The following LSAMP variants were observed in gnomAD, a reference collection of about 807,000 sequenced individuals.
LSAMP encodes limbic system-associated membrane protein.
A neutral mutation model predicts 38.6 loss-of-function variants in LSAMP; 7 were observed. The ratio of observed to expected loss-of-function variants is 0.18; its 90% CI spans 0.10 to 0.34. The LOEUF is 0.34. Ranked by LOEUF, LSAMP falls within the 10% of genes least tolerant of loss-of-function variation. LSAMP has a pLI of 1.00. For synonymous variants in LSAMP, 154 were observed against 166.8 expected (o/e 0.92, Z 0.59); for missense variants, 313 against 420.0 (o/e 0.75, Z 2.23).
At chr3:116,098,785 GTC>G (rs968874156) in intron 1 of LSAMP, among the ~76,000 whole-genome samples, 1 of 151,964 alleles carries the variant, frequency 6.6e-6, no homozygotes, top group African/African-American at 2.4e-5. Flanking sequence ...CTGGAGGCCT[GTC>G]TCTTTCTCTT....
intron 1 of LSAMP, among the ~76,000 whole-genome samples, chr3:116,130,987 CTTTTTT>C (rs148232332): frequency 1.8e-5 from 2 of 112,654 alleles, no homozygotes; most frequent in Non-Finnish European, 3.5e-5. Context: ...AGGTTCCACA[CTTTTTT>C]TTTTTTTTTT....
At chr3:115,852,898 A>G (rs942168380) in intron 3 of LSAMP, among the ~76,000 whole-genome samples, 3 of 152,200 alleles carry the variant, frequency 2.0e-5, no homozygotes, top group African/African-American at 7.2e-5. Flanking sequence ...TAAGTCCCAC[A>G]GAGAGCAACT....
chr3:116,099,118 G>C (rs550334837), intron 1 of LSAMP, among the ~76,000 whole-genome samples: 6 of 152,164 alleles, frequency 3.9e-5, no homozygotes, highest in Non-Finnish European at 7.3e-5. Flanking sequence ...AAGTTCCTTC[G>C]GAAATTTCAC....
intron 3 of LSAMP, among the ~76,000 whole-genome samples, chr3:115,962,555 A>G (rs1277739528): frequency 6.6e-6 from 1 of 152,200 alleles, no homozygotes; most frequent in African/African-American, 2.4e-5. Context: ...AAACGGGAAT[A>G]AAACTGTGTA....
At chr3:116,161,884 CAG>C (rs1382405154) in intron 1 of LSAMP, among the ~76,000 whole-genome samples, 1 of 151,970 alleles carries the variant, frequency 6.6e-6, no homozygotes, top group African/African-American at 2.4e-5. Context: ...CTAGAAAACG[CAG>C]AGACAAAAAC....
At chr3:115,841,320 G>C (rs137938640) in intron 6 of LSAMP, among the ~76,000 whole-genome samples, 1 of 151,994 alleles carries the variant, frequency 6.6e-6, no homozygotes, top group Non-Finnish European at 1.5e-5. Context: ...TCCTCCTTTA[G>C]ATTTTACATT....
chr3:115,998,070 G>A (rs934962277), intron 3 of LSAMP, among the ~76,000 whole-genome samples: 1 of 145,030 alleles, frequency 6.9e-6, no homozygotes, highest in African/African-American at 2.7e-5. Flanking sequence ...TCCTGGCTGT[G>A]ACAATCAAAA....
At chr3:116,444,366 A>G (rs867296510) in intron 1 of LSAMP, among the ~76,000 whole-genome samples, 17 of 101,164 alleles carry the variant, frequency 1.7e-4, no homozygotes, top group East Asian at 2.9e-4. Flanking sequence ...GTGTGTGTGT[A>G]TGTGTGTGTG....
chr3:115,902,290 T>C (rs1936895105), intron 3 of LSAMP, among the ~76,000 whole-genome samples: 2 of 151,966 alleles, frequency 1.3e-5, no homozygotes, highest in Non-Finnish European at 2.9e-5. Flanking sequence ...TAAAGATAAG[T>C]GCCCATGTAT....
intron 1 of LSAMP, among the ~76,000 whole-genome samples, chr3:116,437,323 T>C (rs1205701338): frequency 2.6e-5 from 4 of 151,848 alleles, no homozygotes; most frequent in Non-Finnish European, 4.4e-5. Context: ...GGGTGATGGG[T>C]GCAGCAGGAT....
intron 1 of LSAMP, among the ~76,000 whole-genome samples, chr3:116,322,905 C>T (rs563150147): frequency 1.3e-5 from 2 of 152,124 alleles, no homozygotes; most frequent in South Asian, 4.1e-4. Flanking sequence ...TAGCTAAAAG[C>T]ATGGGGTTTG....
chr3:116,407,696 C>A (rs2048914855), intron 1 of LSAMP, among the ~76,000 whole-genome samples: 2 of 152,144 alleles, frequency 1.3e-5, no homozygotes, highest in South Asian at 4.1e-4. Flanking sequence ...GCCTGATTTA[C>A]CTTGTCATGG....
At chr3:116,193,942 C>A (rs1710814205) in intron 1 of LSAMP, among the ~76,000 whole-genome samples, 1 of 107,944 alleles carries the variant, frequency 9.3e-6, no homozygotes, top group African/African-American at 2.5e-5. Context: ...AGTCACACAT[C>A]CACTTCTTTA....
intron 1 of LSAMP, among the ~76,000 whole-genome samples, chr3:116,359,086 T>C (rs1026658978): frequency 6.6e-6 from 1 of 152,202 alleles, no homozygotes; most frequent in African/African-American, 2.4e-5. Flanking sequence ...CTATATGTGG[T>C]TACTATAAAA....
chr3:116,246,273 C>A (rs1233585144), intron 1 of LSAMP, among the ~76,000 whole-genome samples: 1 of 152,198 alleles, frequency 6.6e-6, no homozygotes, highest in African/African-American at 2.4e-5. Flanking sequence ...TCTCTATATT[C>A]CTGAATGCAA....
At position 116,353,353 on chromosome 3, in the gene LSAMP, TA is replaced by T. The variant is rs2048167494; in HGVS notation, c.155+91523del. Among the ~76,000 whole-genome samples, 4 of 152,160 alleles carry T rather than the reference TA, an allele frequency of 2.6e-5. No individual in the cohort carries two copies. The South Asian group carries it at 8.3e-4, about 31-fold the overall frequency. ...TCTGGCTAGTTCTGCACAAGAGTTA[TA>T]GTTGGAACCATATAATTATAGTACT... On this transcript the variant is annotated intron_variant, in intron 1 of 6. Coordinates refer to ENST00000490035, the MANE Select transcript of LSAMP (RefSeq NM_002338.5).
chr3:115,962,266 A>T (rs550246175), intron 3 of LSAMP, among the ~76,000 whole-genome samples: 5 of 152,134 alleles, frequency 3.3e-5, no homozygotes, highest in African/African-American at 1.2e-4. Context: ...TTTTTCTTTC[A>T]TGTGCTTAGG....
At chr3:116,342,600 G>A (rs190264815) in intron 1 of LSAMP, among the ~76,000 whole-genome samples, 1 of 152,090 alleles carries the variant, frequency 6.6e-6, no homozygotes, top group Admixed American at 6.6e-5. Context: ...GCTTTCAGTT[G>A]GAAAAAGCTT....
chr3:115,941,030 T>C (rs1431836735), intron 3 of LSAMP, among the ~76,000 whole-genome samples: 1 of 152,144 alleles, frequency 6.6e-6, no homozygotes, highest in Non-Finnish European at 1.5e-5. Flanking sequence ...GTAAACTATA[T>C]ATCTTATAAG....
Sources: allele counts gnomAD v4.1 joint callset (sites outside exome capture counted in the v4.1 genomes callset), GRCh38; gene constraint gnomAD v4.1.1; transcripts MANE v1.5; gene names NCBI Gene and HGNC (gene_info 2026-07-23, HGNC 2026-07-21).